The following ALG12 variants were observed in gnomAD, a reference collection of about 807,000 sequenced individuals.
ALG12 encodes the protein dol-P-Man:Man(7)GlcNAc(2)-PP-Dol alpha-1,6-mannosyltransferase.
ALG12 carries 36 observed loss-of-function variants against 46.0 expected under a neutral mutation model. The ratio of observed to expected loss-of-function variants is 0.78; its 90% CI spans 0.60 to 1.03. ALG12 has a LOEUF of 1.03. Among genes scored for constraint, ALG12 ranks in the 50% least tolerant of loss-of-function variants. The probability of loss-of-function intolerance (pLI) is 0.00; values close to 1 mark genes in which losing one functional copy is unlikely to be tolerated. For synonymous variants in ALG12, 326 were observed against 291.6 expected, an observed-to-expected ratio of 1.12 and a Z score of -1.20; for missense variants, 599 against 633.5, an observed-to-expected ratio of 0.95 and a Z score of 0.58.
chr22:49,867,638 G>A, the ALG12 span, among the ~76,000 whole-genome samples: 1,631 of 152,258 alleles, frequency 0.011, 44 homozygotes, highest in East Asian at 0.039. Flanking sequence ...TCTGTGGGCC[G>A]TCCAGTGATA....
the ALG12 span, among the ~76,000 whole-genome samples, chr22:49,862,845 G>T: frequency 6.6e-6 from 1 of 151,824 alleles, no homozygotes; most frequent in Non-Finnish European, 1.5e-5. Context: ...GGGATTACAG[G>T]TGCCCACCAC....
Position 49,903,790 on chromosome 22 carries a change from T to C in ALG12, c.*48A>G. 1 of 1,591,410 alleles carries C rather than the reference T, an allele frequency of 6.3e-7. No homozygotes were observed. The highest frequency in any genetic ancestry group is 8.6e-7 in the Non-Finnish European group (1 of 1,159,676). On this transcript the variant is annotated 3_prime_UTR_variant, in exon 10 of 10. Transcript: ENST00000330817. Reference sequence around the variant, plus strand: ...GAATTGTGCCAGAAACTGGTAGTGATAACAGCTCCTGGAAGGCCTGTGGCT... The same window carrying C: ...GAATTGTGCCAGAAACTGGTAGTGACAACAGCTCCTGGAAGGCCTGTGGCT...
chr22:49,864,514 T>C, the ALG12 span, among the ~76,000 whole-genome samples: 1 of 152,020 alleles, frequency 6.6e-6, no homozygotes, highest in Non-Finnish European at 1.5e-5. Context: ...AAGTCGAAAA[T>C]GCACTTAATA....
the ALG12 span, among the ~76,000 whole-genome samples, chr22:49,864,172 C>T: frequency 2.6e-5 from 4 of 152,204 alleles, no homozygotes; most frequent in African/African-American, 7.2e-5. Flanking sequence ...TGCTTTCTGA[C>T]GGCAGGGCGT....
chr22:49,868,881 G>A, the ALG12 span, among the ~76,000 whole-genome samples: 2 of 151,570 alleles, frequency 1.3e-5, no homozygotes, highest in African/African-American at 4.9e-5. Context: ...GGAGGCCAAG[G>A]CAGGCGGATC....
Position 49,910,492 on chromosome 22 carries a change from C to T in ALG12, c.411G>A (p.Gln137=), listed in dbSNP as rs763714978. 5 of 1,613,868 alleles carry T rather than the reference C, an allele frequency of 3.1e-6. No individual in the cohort carries two copies. In the African/African-American group the frequency reaches 4.0e-5, roughly 13 times the overall value. Residue 137 remains glutamine, a synonymous_variant, in exon 4 of 10, where the codon CAG becomes CAA. Coordinates refer to ENST00000330817, the MANE Select transcript of ALG12 (RefSeq NM_024105.4). ...GCGTGCAGTAGAACATCAGGTGGAA[C>T]TGCATGGCCGTCACCCAGCAGAACA... ...ATMFCWVTAM[Q]FHLMFYCTRT... is the part of the protein sequence containing the mutation.
chr22:49,909,183 G>T, intron 6 of ALG12, 61 bp downstream of exon 6: 1 of 1,527,142 alleles, frequency 6.5e-7, no homozygotes, highest in Non-Finnish European at 9.1e-7. Context: ...GCCCATGGAG[G>T]CCCAGGAGAT....
At chr22:49,883,642 C>A in the ALG12 span, 1 of 1,522,390 alleles carries the variant, frequency 6.6e-7, no homozygotes. Flanking sequence ...TAAGATACAG[C>A]CGGAGTAGTT....
At chr22:49,914,513 C>G (rs1289995688) in intron 1 of ALG12, among the ~76,000 whole-genome samples, 1 of 152,184 alleles carries the variant, frequency 6.6e-6, no homozygotes, top group Non-Finnish European at 1.5e-5. Flanking sequence ...CAATGGGTCC[C>G]CCAAACACTA....
At chr22:49,883,604 G>A in the ALG12 span, 1 of 1,467,118 alleles carries the variant, frequency 6.8e-7, no homozygotes, top group East Asian at 2.3e-5. Flanking sequence ...GGGCACAAAT[G>A]AGCACTTGGA....
the ALG12 span, among the ~76,000 whole-genome samples, chr22:49,880,150 G>C: frequency 6.6e-6 from 1 of 152,182 alleles, no homozygotes; most frequent in Admixed American, 6.5e-5. Context: ...GCTGTGTTCG[G>C]GTGGCTCCTA....
chr22:49,872,096 A>C, the ALG12 span, among the ~76,000 whole-genome samples: 3 of 152,330 alleles, frequency 2.0e-5, no homozygotes, highest in South Asian at 6.2e-4. Flanking sequence ...TAACTCTTCT[A>C]TGAAAGAGTT....
rs77163946 is a variant in ALG12, at chr22:49,903,354, G to T, written c.*484C>A. The T allele has an allele frequency of 3.3e-3, 1,484 of 456,482 alleles. 15 individuals carry two copies. The highest frequency in any genetic ancestry group is 0.026 in the African/African-American group (1,323 of 50,192). The allele number at this position is 456,482 out of a possible 1,614,324, so 28.3% of individuals were successfully genotyped here. On this transcript the variant is annotated 3_prime_UTR_variant, in exon 10 of 10. Coordinates refer to ENST00000330817, the MANE Select transcript of ALG12 (RefSeq NM_024105.4). ...AAAGTTGCAGTGGTGGCACCAGGGT[G>T]GGGGGGTGCGGCCGGGGCCACCATG...
rs1167546080 is a variant in ALG12, at chr22:49,909,929, A to C, written c.629T>G (p.Leu210Arg). Residue 210 changes from leucine to arginine, a missense_variant, in exon 5 of 10, where the codon CTT becomes CGT. Leu to Arg is a moderately radical substitution (Grantham distance 102, BLOSUM62 -2). Transcript: ENST00000330817. ...GNRKVSVVRA[L>R]RHAVPAGILC... ...GATCCCTGCCGGGACGGCGTGGCGA[A>C]GGGCTCTGACTACAGAAACCTTTCG... 2 of 1,614,160 alleles carry C rather than the reference A, an allele frequency of 1.2e-6. No individual in the cohort carries two copies. The highest frequency in any genetic ancestry group is 4.5e-5 in the East Asian group (2 of 44,892).
At chr22:49,872,304 G>A in the ALG12 span, among the ~76,000 whole-genome samples, 1 of 152,176 alleles carries the variant, frequency 6.6e-6, no homozygotes, top group Non-Finnish European at 1.5e-5. Flanking sequence ...TCCCTAAGCA[G>A]CAGCTCCTCA....
chr22:49,902,270 TGTGTGCACTGTATGCATAGTGTGCAC>T lies in ALG12; in HGVS notation c.*1542_*1567del, dbSNP rs2060514632. The stretch of plus-strand genomic sequence containing the variant: ...GCACTGTGTATGCATGGTGTGTGCA[TGTGTGCACTGTATGCATAGTGTGCAC>T]GTGTGCACTGTGTGTGGATGCATGG... On this transcript the variant is annotated 3_prime_UTR_variant, in exon 10 of 10. Coordinates refer to ENST00000330817, the MANE Select transcript of ALG12 (RefSeq NM_024105.4). The T allele has an allele frequency of 3.7e-5, 4 of 107,740 alleles. No homozygotes were observed. The highest frequency in any genetic ancestry group is 3.3e-4 in the Admixed American group (4 of 12,240). 6.7% of individuals were successfully genotyped at this position (107,740 alleles called of 1,614,324 possible).
chr22:49,884,369 C>T, the ALG12 span: 5 of 1,612,912 alleles, frequency 3.1e-6, no homozygotes, highest in Non-Finnish European at 4.2e-6. Context: ...GAAGAAATCT[C>T]CTCTGACATG....
At chr22:49,884,470 T>A in the ALG12 span, 12 of 1,614,086 alleles carry the variant, frequency 7.4e-6, no homozygotes, top group East Asian at 2.7e-4. Flanking sequence ...TGCAGAGAAC[T>A]TAGCGGAGAA....
At chr22:49,889,224 C>A in the ALG12 span, 1 of 167,068 alleles carries the variant, frequency 6.0e-6, no homozygotes, top group African/African-American at 2.4e-5. Context: ...AAGCTGCAAC[C>A]ACAGACCCAG....
Sources: gnomAD v4.1 joint callset for allele counts (sites outside exome capture counted in the v4.1 genomes callset) on GRCh38, gnomAD v4.1.1 for gene constraint, MANE v1.5 for transcripts, NCBI Gene and HGNC (gene_info 2026-07-23, HGNC 2026-07-21) for gene names.